MYO1B: variants seen among roughly 807,000 people sequenced by gnomAD.
The protein encoded by MYO1B is myosin IB, also known as unconventional myosin-Ib.
A neutral mutation model predicts 159.7 loss-of-function variants in MYO1B; 72 were observed. That is an observed-to-expected ratio of 0.45 (90% confidence interval 0.37 to 0.55). The LOEUF (loss-of-function observed/expected upper bound fraction) is 0.55. Ranked by LOEUF, MYO1B falls within the 20% of genes least tolerant of loss-of-function variation. MYO1B has a pLI of 0.00. For synonymous variants in MYO1B, 468 were observed against 473.8 expected (o/e 0.99, Z 0.16); for missense variants, 1,062 against 1,364.8 (o/e 0.78, Z 3.50).
chr2:191,347,297 A>T (rs115335858), intron 6 of MYO1B, among the ~76,000 whole-genome samples: 1,684 of 152,196 alleles, frequency 0.011, 35 homozygotes, highest in African/African-American at 0.038. Context: ...AAGGCTGTGA[A>T]TTTTTTCCAT....
chr2:191,324,417 G>C (rs1350862536), intron 3 of MYO1B, among the ~76,000 whole-genome samples: 1 of 151,664 alleles, frequency 6.6e-6, no homozygotes, highest in Non-Finnish European at 1.5e-5. Flanking sequence ...AGTTCTTCAT[G>C]GGTTGTCCTA....
intron 2 of MYO1B, 102 bp from the exon 3 acceptor site, chr2:191,296,009 T>C (rs989006791): frequency 4.0e-6 from 2 of 502,672 alleles, no homozygotes; most frequent in Admixed American, 4.0e-5. Context: ...GCAGAACTAG[T>C]GTTGATTTTA....
intron 3 of MYO1B, among the ~76,000 whole-genome samples, chr2:191,311,444 A>T (rs190298668): frequency 5.3e-5 from 8 of 152,250 alleles, no homozygotes; most frequent in African/African-American, 1.7e-4. Flanking sequence ...CTATATTTTC[A>T]TGAAGGATGG....
chr2:191,366,548 C>T (rs1339488655), intron 11 of MYO1B, among the ~76,000 whole-genome samples: 1 of 152,042 alleles, frequency 6.6e-6, no homozygotes, highest in South Asian at 2.1e-4. Flanking sequence ...CCTCCTTTTC[C>T]CAAGGCATTT....
chr2:191,247,406 A>T (rs1186486555), intron 1 of MYO1B, among the ~76,000 whole-genome samples: 7 of 152,116 alleles, frequency 4.6e-5, no homozygotes, highest in Non-Finnish European at 8.8e-5. Flanking sequence ...CTGCCCACTA[A>T]GTGGTAATGG....
At chr2:191,278,523 T>C (rs1464423530) in intron 2 of MYO1B, among the ~76,000 whole-genome samples, 1 of 152,238 alleles carries the variant, frequency 6.6e-6, no homozygotes, top group Non-Finnish European at 1.5e-5. Flanking sequence ...CTTCTCACTT[T>C]GTATTGGTGG....
At chr2:191,381,650 G>C in intron 14 of MYO1B, 84 bp downstream of exon 14, 1 of 996,886 alleles carries the variant, frequency 1.0e-6, no homozygotes, top group South Asian at 1.5e-5. Flanking sequence ...GCCTAAACAA[G>C]AAGCCATATT....
At chr2:191,410,788 T>C (rs1368596072) in intron 26 of MYO1B, among the ~76,000 whole-genome samples, 1 of 152,160 alleles carries the variant, frequency 6.6e-6, no homozygotes, top group Non-Finnish European at 1.5e-5. Context: ...AGGATTGACA[T>C]AGTGGGAGGA....
intron 1 of MYO1B, chr2:191,245,919 C>T (rs1685757844): frequency 6.6e-6 from 1 of 152,298 alleles, no homozygotes; most frequent in African/African-American, 2.4e-5. Context: ...CCTCTCGTAC[C>T]TGTGGGCAGA....
At chr2:191,261,725 T>TTA (rs1686822578) in intron 1 of MYO1B, among the ~76,000 whole-genome samples, 1 of 152,176 alleles carries the variant, frequency 6.6e-6, no homozygotes, top group Non-Finnish European at 1.5e-5. Context: ...CACTTCACTT[T>TTA]CCAGGGCTCT....
intron 15 of MYO1B, 105 bp from the exon 16 acceptor site, chr2:191,385,779 C>A: frequency 1.6e-6 from 2 of 1,230,250 alleles, no homozygotes; most frequent in Non-Finnish European, 2.3e-6. Context: ...ACTGAACAGA[C>A]TTTTCTTGTG....
intron 11 of MYO1B, among the ~76,000 whole-genome samples, chr2:191,368,946 C>T (rs1295767361): frequency 2.0e-5 from 3 of 151,918 alleles, no homozygotes; most frequent in Non-Finnish European, 2.9e-5. Flanking sequence ...TGCACTCCAG[C>T]CTGGGCAACA....
In MYO1B at chr2:191,396,412, C is replaced by A; in HGVS notation, c.2227-17C>A. On this transcript the variant is annotated splice_polypyrimidine_tract_variant and intron_variant, in intron 20 of 30. Coordinates refer to ENST00000392318, the MANE Select transcript of MYO1B (RefSeq NM_001130158.3). Reference sequence around the variant, plus strand: ...TATTAACTACAACTGCCAATATCTTCCCCTTTTATCCTACAGCAACAAAAG... The same window carrying A: ...TATTAACTACAACTGCCAATATCTTACCCTTTTATCCTACAGCAACAAAAG... 2 of 1,613,504 alleles carry A rather than the reference C, an allele frequency of 1.2e-6. No homozygotes were observed. Among genetic ancestry groups the A allele is most frequent in the Non-Finnish European group, 1.7e-6 (2 of 1,179,450 alleles).
chr2:191,370,204 C>T (rs1300497736), intron 12 of MYO1B, 23 bp from the exon 13 acceptor site: 1 of 1,583,312 alleles, frequency 6.3e-7, no homozygotes, highest in Non-Finnish European at 8.7e-7. Context: ...TTAATTAACC[C>T]TTTAATTTGA....
At chr2:191,404,249 A>G (rs959713861) in intron 24 of MYO1B, among the ~76,000 whole-genome samples, 1 of 152,194 alleles carries the variant, frequency 6.6e-6, no homozygotes, top group Admixed American at 6.5e-5. Flanking sequence ...AGGGGGCACC[A>G]TCGTATATGC....
chr2:191,351,489 G>A (rs1362306077), intron 7 of MYO1B, among the ~76,000 whole-genome samples: 1 of 152,180 alleles, frequency 6.6e-6, no homozygotes, highest in Non-Finnish European at 1.5e-5. Context: ...ATGATTCAGA[G>A]AGTAACCATC....
At chr2:191,332,829 A>T (rs1691578362) in intron 4 of MYO1B, among the ~76,000 whole-genome samples, 1 of 152,256 alleles carries the variant, frequency 6.6e-6, no homozygotes, top group South Asian at 2.1e-4. Flanking sequence ...CTTGAACATG[A>T]TTCTTTCCGA....
intron 2 of MYO1B, among the ~76,000 whole-genome samples, chr2:191,285,623 A>G (rs1688319652): frequency 6.6e-6 from 1 of 152,208 alleles, no homozygotes; most frequent in African/African-American, 2.4e-5. Context: ...AGGGTGATGA[A>G]GTCGAGAGGA....
At chr2:191,304,340 G>T (rs1689514458) in intron 3 of MYO1B, among the ~76,000 whole-genome samples, 1 of 152,186 alleles carries the variant, frequency 6.6e-6, no homozygotes, top group Admixed American at 6.5e-5. Flanking sequence ...GGAAGCCAAG[G>T]TGAGTGGATC....
Sources: gnomAD v4.1 joint callset for allele counts (sites outside exome capture counted in the v4.1 genomes callset) on GRCh38, gnomAD v4.1.1 for gene constraint, MANE v1.5 for transcripts, NCBI Gene and HGNC (gene_info 2026-07-23, HGNC 2026-07-21) for gene names.